Variants in AASS observed in about 807,000 individuals in gnomAD.
AASS encodes the protein alpha-aminoadipic semialdehyde synthase, mitochondrial.
AASS carries 86 observed loss-of-function variants against 105.4 expected under a neutral mutation model. The ratio of observed to expected loss-of-function variants is 0.82; its 90% CI spans 0.69 to 0.98. AASS has a LOEUF of 0.98. Ranked by LOEUF, AASS falls within the 50% of genes least tolerant of loss-of-function variation. AASS has a pLI of 0.00. For synonymous variants in AASS, 381 were observed against 394.8 expected (o/e 0.96, Z 0.41); for missense variants, 1,048 against 1,143.2 (o/e 0.92, Z 1.20).
intron 15 of AASS, 82 bp downstream of exon 15, chr7:122,098,368 G>A: frequency 2.0e-6 from 3 of 1,525,176 alleles, no homozygotes; most frequent in Admixed American, 1.7e-5. Context: ...GGAGTATGAA[G>A]AGAGGAGAAG....
At position 122,112,046 on chromosome 7, in the gene AASS, AT is replaced by A. The variant is rs1196332704; in HGVS notation, c.1278+1071del. On this transcript the variant is annotated intron_variant, in intron 11 of 23. Coordinates refer to ENST00000417368, the MANE Select transcript of AASS (RefSeq NM_005763.4). ...GTTGATATCTCCAGCAAAGCCTGGC[AT>A]TTGTACTCTCCTTCTCCTGCTTCTT... Among the ~76,000 whole-genome samples the A allele has an allele frequency of 4.6e-5, 7 of 152,194 alleles. No homozygotes were observed. The South Asian group carries it at 1.0e-3, about 23-fold the overall frequency.
intron 15 of AASS, among the ~76,000 whole-genome samples, chr7:122,094,098 G>C (rs1313228980): frequency 6.6e-6 from 1 of 152,110 alleles, no homozygotes; most frequent in Non-Finnish European, 1.5e-5. Flanking sequence ...CAAGAGGGAA[G>C]AGATAAGAAG....
At chr7:122,098,977 G>A in intron 13 of AASS, 111 bp from the exon 14 acceptor site, 1 of 1,172,094 alleles carries the variant, frequency 8.5e-7, no homozygotes, top group Non-Finnish European at 1.2e-6. Context: ...AAATAATGAA[G>A]CAACATTTTC....
At chr7:122,136,174 C>A (rs1796131001) in intron 1 of AASS, among the ~76,000 whole-genome samples, 1 of 152,154 alleles carries the variant, frequency 6.6e-6, no homozygotes, top group Non-Finnish European at 1.5e-5. Context: ...CATCAGACTG[C>A]AATCTTGGAA....
chr7:122,086,993 G>A (rs554563362), intron 18 of AASS, among the ~76,000 whole-genome samples: 46 of 152,042 alleles, frequency 3.0e-4, no homozygotes, highest in Non-Finnish European at 6.5e-4. Flanking sequence ...TATTATTATT[G>A]TTGAGATAAA....
chr7:122,087,052 G>A (rs1793666423), intron 18 of AASS, among the ~76,000 whole-genome samples: 1 of 152,146 alleles, frequency 6.6e-6, no homozygotes, highest in African/African-American at 2.4e-5. Flanking sequence ...TCTGGTTGTT[G>A]CTGCTGGTGG....
rs993289236 is a variant in AASS at position 122,074,109 on chromosome 7, G to T, written c.*2380C>A. Among the ~76,000 whole-genome samples the T allele has an allele frequency of 5.3e-5, 8 of 152,098 alleles. No individual in the cohort carries two copies. The highest frequency in any genetic ancestry group is 1.0e-4 in the Non-Finnish European group (7 of 68,010). ...GGGTATCCACCAACAGTGCATGAGG[G>T]TTCCAATTTCTCTGCATCCTCACCA... On this transcript the variant is annotated 3_prime_UTR_variant, in exon 24 of 24. Coordinates refer to ENST00000417368, the MANE Select transcript of AASS (RefSeq NM_005763.4).
chr7:122,078,824 C>T (rs1167701929), intron 22 of AASS, 38 bp downstream of exon 22: 8 of 1,569,490 alleles, frequency 5.1e-6, no homozygotes, highest in African/African-American at 2.7e-5. Context: ...TCTTATGATT[C>T]TTCTTTAGGT....
At chr7:122,117,248 T>C (rs1795225107) in intron 6 of AASS, among the ~76,000 whole-genome samples, 1 of 152,230 alleles carries the variant, frequency 6.6e-6, no homozygotes, top group Admixed American at 6.5e-5. Context: ...TATTTCCATT[T>C]ATTTTAGATC....
chr7:122,106,950 T>A (rs1196670030), intron 11 of AASS, among the ~76,000 whole-genome samples: 1 of 151,492 alleles, frequency 6.6e-6, no homozygotes. Flanking sequence ...ATGAACAGAG[T>A]AAACAATCTA....
chr7:122,129,845 A>G (rs1355140518), intron 2 of AASS, among the ~76,000 whole-genome samples: 1 of 152,184 alleles, frequency 6.6e-6, no homozygotes, highest in Non-Finnish European at 1.5e-5. Flanking sequence ...TGTGAAATGT[A>G]TATTTTGTAC....
chr7:122,079,751 A>G (rs1487584821), intron 20 of AASS, 39 bp from the exon 21 acceptor site: 1 of 1,502,198 alleles, frequency 6.7e-7, no homozygotes, highest in East Asian at 2.3e-5. Context: ...TAAGTCCCTA[A>G]CAAATTTTTT....
At chr7:122,143,983 G>A (rs779805837) in intron 1 of AASS, among the ~76,000 whole-genome samples, 178 bp downstream of exon 1, 2 of 152,140 alleles carry the variant, frequency 1.3e-5, no homozygotes, top group Non-Finnish European at 2.9e-5. Flanking sequence ...AATGCTCGCC[G>A]CCTTCTCCCT....
intron 2 of AASS, among the ~76,000 whole-genome samples, chr7:122,131,033 CAAA>C (rs200717404): frequency 1.1e-5 from 1 of 88,500 alleles, no homozygotes; most frequent in Non-Finnish European, 2.4e-5. Context: ...TTTATTTTTG[CAAA>C]AAAAAAAAAA....
chr7:122,084,949 G>A (rs998258873), intron 19 of AASS, among the ~76,000 whole-genome samples: 6 of 152,278 alleles, frequency 3.9e-5, no homozygotes, highest in African/African-American at 1.4e-4. Context: ...ATTAGGTTGA[G>A]TTTAGGGCCC....
chr7:122,125,225 T>C (rs1181910694), intron 4 of AASS, among the ~76,000 whole-genome samples: 4 of 152,120 alleles, frequency 2.6e-5, no homozygotes, highest in Admixed American at 2.0e-4. Context: ...CTGCCTGAAT[T>C]GGTTTTAAGT....
At chr7:122,131,042 A>G (rs569980222) in intron 2 of AASS, among the ~76,000 whole-genome samples, 2 of 151,360 alleles carry the variant, frequency 1.3e-5, no homozygotes, top group Admixed American at 6.6e-5. Flanking sequence ...GCAAAAAAAA[A>G]AAAAAGAAAA....
At chr7:122,113,341 T>C in intron 10 of AASS, 112 bp from the exon 11 acceptor site, 1 of 1,120,116 alleles carries the variant, frequency 8.9e-7, no homozygotes, top group South Asian at 1.4e-5. Flanking sequence ...TAATTTTGTA[T>C]AAAAGTATAC....
intron 4 of AASS, among the ~76,000 whole-genome samples, chr7:122,122,634 G>T (rs182936777): frequency 2.3e-3 from 345 of 152,306 alleles, no homozygotes; most frequent in African/African-American, 8.1e-3. Flanking sequence ...TGGTCAATGT[G>T]CTCAAGGATT....
Sources: allele counts gnomAD v4.1 joint callset (sites outside exome capture counted in the v4.1 genomes callset), GRCh38; gene constraint gnomAD v4.1.1; transcripts MANE v1.5; gene names NCBI Gene and HGNC (gene_info 2026-07-23, HGNC 2026-07-21).